Variants in ACAD8 observed in about 807,000 individuals in gnomAD.
ACAD8 encodes the protein isobutyryl-CoA dehydrogenase, mitochondrial.
A neutral mutation model predicts 53.1 loss-of-function variants in ACAD8; 47 were observed. That is an observed-to-expected ratio of 0.89 (90% CI 0.70 to 1.13). The LOEUF is 1.13. Among genes scored for constraint, ACAD8 ranks in the 50% most tolerant of loss-of-function variants. The probability of loss-of-function intolerance (pLI) is 0.00; values close to 1 mark genes in which losing one functional copy is unlikely to be tolerated. For missense variants in ACAD8, 494 were observed against 535.0 expected (o/e 0.92, Z 0.76); for synonymous variants, 198 against 201.3 (o/e 0.98, Z 0.14).
At chr11:134,254,107 C>CT (rs1260275108) in intron 1 of ACAD8, among the ~76,000 whole-genome samples, 2 of 152,166 alleles carry the variant, frequency 1.3e-5, no homozygotes, top group African/African-American at 4.8e-5. Context: ...CCCTCGGATG[C>CT]TTAGAGAAGT....
chr11:134,262,995 G>A (rs969426186), intron 10 of ACAD8: 1 of 1,207,428 alleles, frequency 8.3e-7, no homozygotes, highest in Non-Finnish European at 1.1e-6. Context: ...GCAAATGTGA[G>A]CCAGTATGGT....
rs371958892 is a variant in ACAD8 at position 134,259,000 on chromosome 11, C to T, written c.491-8C>T. 2.4e-5 allele frequency: 39 copies of T among 1,613,408 alleles called. No homozygotes were observed. Among genetic ancestry groups the T allele is most frequent in the Non-Finnish European group, 2.9e-5 (34 of 1,179,506 alleles). On this transcript the variant is annotated splice_region_variant and splice_polypyrimidine_tract_variant and intron_variant, in intron 4 of 10. Coordinates refer to ENST00000281182, the MANE Select transcript of ACAD8 (RefSeq NM_014384.3). ...CCTTCTCTCTGCTGCCTTTTGATCCCTCCTCAGGAAGTGGGAGTGATGCTG... is the reference window on the plus strand; with the variant it reads ...CCTTCTCTCTGCTGCCTTTTGATCCTTCCTCAGGAAGTGGGAGTGATGCTG...
At chr11:134,258,418 TG>T in intron 3 of ACAD8, 96 bp from the exon 4 acceptor site, 3 of 813,736 alleles carry the variant, frequency 3.7e-6, no homozygotes, top group Non-Finnish European at 6.2e-6. Flanking sequence ...TTTACTCCAC[TG>T]CCCTGCCCTT....
At position 134,257,275 on chromosome 11, in the gene ACAD8, G is replaced by T; in HGVS notation, c.380+18G>T. On this transcript the variant is annotated intron_variant, in intron 3 of 10. Coordinates refer to ENST00000281182, the MANE Select transcript of ACAD8 (RefSeq NM_014384.3). The stretch of plus-strand genomic sequence containing the variant: ...ATCCACAAGTGAGTGCCCAAGCTTG[G>T]AAGGCACAATGAAGTGCTCACTCGG... 6.2e-7 allele frequency: 1 copy of T among 1,613,948 alleles called. No homozygotes were observed. The highest frequency in any genetic ancestry group is 2.2e-5 in the East Asian group (1 of 44,876).
chr11:134,262,032 C>A, intron 9 of ACAD8, 142 bp downstream of exon 9: 6 of 1,031,496 alleles, frequency 5.8e-6, no homozygotes, highest in Non-Finnish European at 7.3e-6. Flanking sequence ...TATAAATGAA[C>A]TCATGAGCGG....
chr11:134,264,480 T>G (rs1940078101), intron 10 of ACAD8, among the ~76,000 whole-genome samples: 2 of 151,824 alleles, frequency 1.3e-5, no homozygotes. Context: ...ATCACACCAC[T>G]GCACTCCAGC....
At position 134,253,677 on chromosome 11, in the gene ACAD8, C is replaced by G. The variant is rs1939261747; in HGVS notation, c.77C>G (p.Thr26Ser). 1 of 1,600,094 alleles carries G rather than the reference C, an allele frequency of 6.2e-7. No individual in the cohort carries two copies. The highest frequency in any genetic ancestry group is 1.3e-5 in the African/African-American group (1 of 74,702). Residue 26 changes from threonine (T) to serine (S), a missense_variant, in exon 1 of 11, where the codon ACC (threonine) becomes AGC (serine). By Grantham distance (58) the Thr-to-Ser change is moderately conservative (BLOSUM62 1). Transcript: ENST00000281182. The part of the protein sequence containing the change: ...LPGGLRVLVQ[T>S]GHRSLTSCID... ...GGCGGTCTCCGGGTCCTCGTCCAGA[C>G]CGGCCACCGGAGCTTGACCTCCTGC...
intron 1 of ACAD8, among the ~76,000 whole-genome samples, chr11:134,255,693 T>G (rs1412336753): frequency 2.0e-5 from 3 of 152,182 alleles, no homozygotes; most frequent in African/African-American, 7.2e-5. Flanking sequence ...AACTCTTCAT[T>G]TCTGACTTTC....
rs753713108 is a variant in ACAD8, at chr11:134,261,792, A to G, written c.994A>G (p.Met332Val). 1.2e-6 allele frequency: 2 copies of G among 1,614,036 alleles called. No homozygotes were observed. The highest frequency in any genetic ancestry group is 2.7e-5 in the African/African-American group (2 of 74,908). Residue 332 changes from methionine (M) to valine (V), a missense_variant, in exon 9 of 11, where the codon ATG becomes GTG. Met to Val is a conservative substitution (Grantham distance 21). Coordinates refer to ENST00000281182, the MANE Select transcript of ACAD8 (RefSeq NM_014384.3). This position sits in a 1 kb window ranked among gnomAD's most constrained non-coding sequence, Gnocchi z 4.2. The stretch of plus-strand genomic sequence containing the variant: ...AACAAGGCTGGTGGCCGCGCGGCTG[A>G]TGGTCCGCAATGCAGCAGTGGCTCT... ...MATRLVAARL[M>V]VRNAAVALQE...
At chr11:134,263,166 C>G in intron 10 of ACAD8, 1 of 1,071,730 alleles carries the variant, frequency 9.3e-7, no homozygotes, top group Non-Finnish European at 1.1e-6. Context: ...TGGGGTCGGG[C>G]TCGGAGCCTG....
Position 134,264,947 on chromosome 11 carries a change from T to G in ACAD8, c.1235T>G (p.Leu412Arg). The G allele has an allele frequency of 1.9e-6, 3 of 1,614,212 alleles. No homozygotes were observed. The highest frequency in any genetic ancestry group is 2.5e-6 in the Non-Finnish European group (3 of 1,180,028). ...EVMRILISRSLLQE is the reference protein window; with the variant it reads ...EVMRILISRSRLQE The stretch of plus-strand genomic sequence containing the variant: ...ATGAGGATACTGATCTCTAGAAGCC[T>G]GCTTCAGGAGTAGAACCCACACTTG... Residue 412 changes from leucine to arginine, a missense_variant, in exon 11 of 11, where the codon CTG becomes CGG. By Grantham distance (102) the Leu-to-Arg change is moderately radical. Coordinates refer to ENST00000281182, the MANE Select transcript of ACAD8 (RefSeq NM_014384.3).
chr11:134,264,143 G>A (rs577755494), intron 10 of ACAD8: 2 of 782,658 alleles, frequency 2.6e-6, no homozygotes, highest in African/African-American at 1.9e-5. Flanking sequence ...CCAGGAGTTC[G>A]AGACCAGCTT....
chr11:134,259,748 G>A lies in ACAD8; in HGVS notation c.705+3G>A, dbSNP rs927511531. 2 of 1,614,190 alleles carry A rather than the reference G, an allele frequency of 1.2e-6. No homozygotes were observed. The highest frequency in any genetic ancestry group is 1.7e-6 in the Non-Finnish European group (2 of 1,180,042). On this transcript the variant is annotated splice_donor_region_variant and intron_variant, in intron 6 of 10. Coordinates refer to ENST00000281182, the MANE Select transcript of ACAD8 (RefSeq NM_014384.3). ...GCTTTGGCAAGAAGGAGAAAAAGGT[G>A]AGTGGCTGTTGGACAGGAAACAATT...
intron 1 of ACAD8, among the ~76,000 whole-genome samples, chr11:134,253,984 C>A (rs1939304223): frequency 6.6e-6 from 1 of 150,498 alleles, no homozygotes; most frequent in African/African-American, 2.4e-5. Flanking sequence ...CCTCCTCCGG[C>A]CGGTCACCCC....
intron 6 of ACAD8, chr11:134,259,992 C>T (rs748082327): frequency 5.3e-5 from 71 of 1,334,666 alleles, no homozygotes; most frequent in Non-Finnish European, 6.8e-5. Context: ...GTTCTGACCT[C>T]TCCTGCCTCT....
intron 9 of ACAD8, 157 bp from the exon 10 acceptor site, chr11:134,262,363 C>T (rs1939934526): frequency 3.0e-6 from 2 of 672,768 alleles, no homozygotes. Context: ...TTGTCTCTAA[C>T]CATACAGAAT....
rs117744544 is a variant in ACAD8, at chr11:134,264,799, T to C, written c.1196-109T>C. 979 of 944,692 alleles carry C rather than the reference T, an allele frequency of 1.0e-3. 17 individuals carry two copies. In the East Asian group the frequency reaches 0.022, roughly 21 times the overall value. 58.5% of individuals were successfully genotyped at this position (944,692 alleles called of 1,614,324 possible). On this transcript the variant is annotated intron_variant, in intron 10 of 10. Transcript: ENST00000281182. ...CCCAGGCTAAAAGCAATGATTGTAGTTTAAATCTGCAGCTACTCTGAACTA... is the reference window on the plus strand; with the variant it reads ...CCCAGGCTAAAAGCAATGATTGTAGCTTAAATCTGCAGCTACTCTGAACTA...
chr11:134,259,196 T>C (rs749229625), intron 5 of ACAD8, 112 bp downstream of exon 5: 1 of 938,400 alleles, frequency 1.1e-6, no homozygotes, highest in Admixed American at 1.9e-5. Flanking sequence ...TTTTTATGTG[T>C]TGGGAAGAGA....
chr11:134,258,220 A>G, intron 3 of ACAD8: 1 of 443,386 alleles, frequency 2.3e-6, no homozygotes. Flanking sequence ...AACTACTAAT[A>G]GAAAGCACAT....
Sources: gnomAD v4.1 joint callset for allele counts (sites outside exome capture counted in the v4.1 genomes callset) on GRCh38, gnomAD v4.1.1 for gene constraint, Gnocchi (gnomAD v3.1) non-coding constraint, MANE v1.5 for transcripts, NCBI Gene and HGNC (gene_info 2026-07-23, HGNC 2026-07-21) for gene names.